The following TRPC5 variants were observed in gnomAD, a reference collection of about 807,000 sequenced individuals.
TRPC5 encodes short transient receptor potential channel 5.
TRPC5 carries 9 observed loss-of-function variants against 56.5 expected under a neutral mutation model. That is an observed-to-expected ratio of 0.16 (90% CI 0.10 to 0.28). The LOEUF (loss-of-function observed/expected upper bound fraction) is 0.28. Among genes scored for constraint, TRPC5 ranks in the 10% least tolerant of loss-of-function variants. The pLI is 1.00. For synonymous variants in TRPC5, 282 were observed against 278.5 expected (o/e 1.01, Z -0.13); for missense variants, 469 against 748.9 (o/e 0.63, Z 4.36).
Position 111,774,043 on chromosome X carries a change from C to T in TRPC5, c.*2270G>A, listed in dbSNP as rs1160355808. On this transcript the variant is annotated 3_prime_UTR_variant, in exon 11 of 11. Transcript: ENST00000262839. ...GTAAAGTCTTAAGCCCAAGTCACAA[C>T]GATAACCCTGAGAAGATCTGAAAAG... 1.8e-5 allele frequency among the ~76,000 whole-genome samples: 2 copies of T among 111,606 alleles called. No individual in the cohort carries two copies. The highest frequency in any genetic ancestry group is 5.6e-4 in the East Asian group (2 of 3,552).
chrX:111,965,370 A>T (rs374199255), intron 1 of TRPC5, among the ~76,000 whole-genome samples: 1 of 111,616 alleles, frequency 9.0e-6, no homozygotes, highest in African/African-American at 3.3e-5. Context: ...CACACAATAA[A>T]AATGGGAGAC....
chrX:111,793,248 C>G (rs1244350473), intron 7 of TRPC5, among the ~76,000 whole-genome samples: 2 of 111,566 alleles, frequency 1.8e-5, no homozygotes, highest in Non-Finnish European at 3.8e-5. Flanking sequence ...AACTCTTGTA[C>G]AGAAAGTAGA....
At position 111,773,453 on chromosome X, in the gene TRPC5, G is replaced by A. The variant is rs1945855514; in HGVS notation, c.*2860C>T. Among the ~76,000 whole-genome samples the A allele has an allele frequency of 8.9e-6, 1 of 111,734 alleles. No individual in the cohort carries two copies. On this transcript the variant is annotated 3_prime_UTR_variant, in exon 11 of 11. Coordinates refer to ENST00000262839, the MANE Select transcript of TRPC5 (RefSeq NM_012471.3). ...TGGATATTTTAGATAAGTAGTAAAT[G>A]ATTTTTGTATTATTTGTGTTTGACT...
At chrX:111,913,185 T>C (rs925368272) in intron 2 of TRPC5, among the ~76,000 whole-genome samples, 1 of 111,428 alleles carries the variant, frequency 9.0e-6, no homozygotes, top group Non-Finnish European at 1.9e-5. Flanking sequence ...TAGAGTCAAA[T>C]TGTCAATTAT....
At position 111,772,291 on chromosome X, in the gene TRPC5, G is replaced by A. The variant is rs1437399869; in HGVS notation, c.*4022C>T. ...CTTAGTTTTGAGGCAAAGCTGCAGG[G>A]ATTGAAGGTAGGGCTGTGAAGTAGG... On this transcript the variant is annotated 3_prime_UTR_variant, in exon 11 of 11. Coordinates refer to ENST00000262839, the MANE Select transcript of TRPC5 (RefSeq NM_012471.3). Among the ~76,000 whole-genome samples the A allele has an allele frequency of 2.7e-5, 3 of 111,966 alleles. No individual in the cohort carries two copies.
At chrX:112,046,577 T>C (rs139616325) in intron 1 of TRPC5, among the ~76,000 whole-genome samples, 2,161 of 111,280 alleles carry the variant, frequency 0.019, 65 homozygotes, top group African/African-American at 0.068. Flanking sequence ...TCTGTTGCAC[T>C]GCAGTAAAAG....
At chrX:112,044,232 C>G (rs1224602558) in intron 1 of TRPC5, among the ~76,000 whole-genome samples, 1 of 111,668 alleles carries the variant, frequency 9.0e-6, no homozygotes, top group East Asian at 2.8e-4. Flanking sequence ...TGAAAAGTGC[C>G]TGAAGGGTAC....
At chrX:111,813,325 G>T (rs1168988180) in intron 7 of TRPC5, among the ~76,000 whole-genome samples, 1 of 112,344 alleles carries the variant, frequency 8.9e-6, no homozygotes, top group Admixed American at 9.4e-5. Context: ...GTCAGCTCCT[G>T]TAGAGCAGGC....
At chrX:111,877,136 T>G (rs1923987589) in intron 3 of TRPC5, among the ~76,000 whole-genome samples, 1 of 111,638 alleles carries the variant, frequency 9.0e-6, no homozygotes, top group Admixed American at 9.6e-5. Context: ...GTGGACTGAT[T>G]GAGTCTACTG....
chrX:111,952,503 A>G, intron 1 of TRPC5, 62 bp from the exon 2 acceptor site: 3 of 1,073,368 alleles, frequency 2.8e-6, no homozygotes, highest in South Asian at 2.3e-5. Flanking sequence ...TCAAGTGGCC[A>G]GTTATGGAGG....
chrX:111,995,475 T>A (rs1200019133), intron 1 of TRPC5, among the ~76,000 whole-genome samples: 1 of 111,829 alleles, frequency 8.9e-6, no homozygotes, highest in African/African-American at 3.3e-5. Flanking sequence ...GATGCTGGCC[T>A]CATAAAACGA....
At chrX:111,954,376 CACAG>C (rs2148639597) in intron 1 of TRPC5, among the ~76,000 whole-genome samples, 1 of 111,912 alleles carries the variant, frequency 8.9e-6, no homozygotes, top group South Asian at 3.8e-4. Flanking sequence ...CTGGAGGCCT[CACAG>C]AAAGTTTCAT....
intron 1 of TRPC5, among the ~76,000 whole-genome samples, chrX:112,017,321 T>A (rs1929155407): frequency 9.0e-6 from 1 of 111,068 alleles, no homozygotes; most frequent in Admixed American, 9.6e-5. Context: ...CCACGATTAT[T>A]ACTACTTTTA....
At chrX:112,035,808 T>C (rs1175640122) in intron 1 of TRPC5, among the ~76,000 whole-genome samples, 1 of 108,315 alleles carries the variant, frequency 9.2e-6, no homozygotes, top group Middle Eastern at 4.3e-3. Flanking sequence ...ATTTTTTGTA[T>C]GTTTAGGAGA....
intron 1 of TRPC5, among the ~76,000 whole-genome samples, chrX:112,008,599 C>CAAAAAAAAAAAAAAAAA (rs771663324): frequency 2.4e-4 from 18 of 74,025 alleles, no homozygotes; most frequent in African/African-American, 7.6e-4. Context: ...GACTCTGTCT[C>CAAAAAAAAAAAAAAAAA]AAAAAAAAAA....
chrX:112,041,695 T>G lies in TRPC5; in HGVS notation c.-22+40184A>C, dbSNP rs181561504. On this transcript the variant is annotated intron_variant, in intron 1 of 10. Transcript: ENST00000262839. ...CCTTGAAGATCCTATCTTTTTAATT[T>G]TTCATTTGCAATGCAACCAACTGCT... Among the ~76,000 whole-genome samples the G allele has an allele frequency of 6.4e-3, 712 of 111,966 alleles. 3 individuals carry two copies. The highest frequency in any genetic ancestry group is 0.022 in the African/African-American group (689 of 30,817).
At chrX:111,976,353 A>G (rs1417926732) in intron 1 of TRPC5, among the ~76,000 whole-genome samples, 2 of 110,766 alleles carry the variant, frequency 1.8e-5, no homozygotes, top group East Asian at 5.7e-4. Flanking sequence ...AGCCTAAGAG[A>G]TCGAGGCTGC....
At chrX:112,066,476 C>A (rs1333522488) in intron 1 of TRPC5, among the ~76,000 whole-genome samples, 2 of 111,926 alleles carry the variant, frequency 1.8e-5, no homozygotes, top group African/African-American at 6.5e-5. Flanking sequence ...TATCAAATAT[C>A]AACAGAACAT....
At chrX:111,920,160 A>G (rs1926088299) in intron 2 of TRPC5, among the ~76,000 whole-genome samples, 1 of 111,236 alleles carries the variant, frequency 9.0e-6, no homozygotes. Context: ...CTGTAATCCC[A>G]TCTACTCGGG....
Sources: allele counts gnomAD v4.1 joint callset (sites outside exome capture counted in the v4.1 genomes callset), GRCh38; gene constraint gnomAD v4.1.1; transcripts MANE v1.5; gene names NCBI Gene and HGNC (gene_info 2026-07-23, HGNC 2026-07-21).